RIN1: variants seen among roughly 807,000 people sequenced by gnomAD.
RIN1 encodes the protein ras inhibitor 1.
A neutral mutation model predicts 64.9 loss-of-function variants in RIN1; 52 were observed. The ratio of observed to expected loss-of-function variants is 0.80; its 90% CI spans 0.64 to 1.01. RIN1 has a LOEUF of 1.01. RIN1 is among the 50% of genes least tolerant of loss of function. The pLI is 0.00. For missense variants in RIN1, 1,040 were observed against 1,064.5 expected (o/e 0.98, Z 0.32); for synonymous variants, 486 against 483.6 (o/e 1.00, Z -0.06).
At position 66,334,954 on chromosome 11, in the gene RIN1, G is replaced by T. The variant is rs752344031; in HGVS notation, c.845C>A (p.Pro282His). 13 of 1,584,738 alleles carry T rather than the reference G, an allele frequency of 8.2e-6. No homozygotes were observed. The highest frequency in any genetic ancestry group is 1.1e-5 in the Non-Finnish European group (13 of 1,165,748). The part of the protein sequence containing the change: ...GAVPSQTERL[P>H]PCQLLRRESS... ...CTCCCTCCGTAGCAGCTGGCAAGGGGGCAGCCGCTCTGTCTGGCTGGGGAC... is the reference window on the plus strand; with the variant it reads ...CTCCCTCCGTAGCAGCTGGCAAGGGTGCAGCCGCTCTGTCTGGCTGGGGAC... The change falls in exon 6 of 10, where the codon CCC (proline) becomes CAC (histidine). Residue 282 changes from proline to histidine, a missense_variant. Physicochemically the swap from Pro to His is moderately conservative, Grantham distance 77. Coordinates refer to ENST00000311320, the MANE Select transcript of RIN1 (RefSeq NM_004292.3).
chr11:66,333,791 T>G, intron 7 of RIN1, 128 bp downstream of exon 7: 1 of 1,420,020 alleles, frequency 7.0e-7, no homozygotes, highest in East Asian at 2.5e-5. Flanking sequence ...AGTTTCGCCA[T>G]CTGCAAGAGG....
rs745380594 is a variant in RIN1 at position 66,332,542 on chromosome 11, T to G, written c.2086A>C (p.Thr696Pro). 6.2e-7 allele frequency: 1 copy of G among 1,613,268 alleles called. No individual in the cohort carries two copies. The highest frequency in any genetic ancestry group is 1.1e-5 in the South Asian group (1 of 91,048). ...GCCCGGCGGTAGACGAGGTAGCCAG[T>G]GGTGGGCAGCCTGTGGGCCAGGGCC... is the stretch of plus-strand genomic sequence containing the variant. ...PGALAHRLPTTGYLVYRRAEW... is the reference protein window; with the variant it reads ...PGALAHRLPTPGYLVYRRAEW... The change falls in exon 10 of 10, where the codon ACT (threonine) becomes CCT (proline). Residue 696 changes from threonine (T) to proline (P), a missense_variant. Thr to Pro is a conservative substitution (Grantham distance 38, BLOSUM62 -1). Coordinates refer to ENST00000311320, the MANE Select transcript of RIN1 (RefSeq NM_004292.3).
At position 66,332,355 on chromosome 11, in the gene RIN1, C is replaced by A. The variant is rs765691604; in HGVS notation, c.2273G>T (p.Gly758Val). ...IREQSETTAE[G>V]GQGQAQEGPA... ...GCCTTCCTGGGCTTGACCCTGGCCCCCTTCAGCAGTTGTCTCAGACTGTTC... is the reference window on the plus strand; with the variant it reads ...GCCTTCCTGGGCTTGACCCTGGCCCACTTCAGCAGTTGTCTCAGACTGTTC... The change falls in exon 10 of 10, where the codon GGG becomes GTG. Residue 758 changes from glycine (G) to valine (V), a missense_variant. By Grantham distance (109) the Gly-to-Val change is moderately radical (BLOSUM62 -3). Coordinates refer to ENST00000311320, the MANE Select transcript of RIN1 (RefSeq NM_004292.3). 28 of 1,614,178 alleles carry A rather than the reference C, an allele frequency of 1.7e-5. No individual in the cohort carries two copies. In the East Asian group the frequency reaches 2.2e-4, roughly 13 times the overall value.
chr11:66,335,930 C>G, intron 2 of RIN1, 48 bp downstream of exon 2: 1 of 1,495,064 alleles, frequency 6.7e-7, no homozygotes, highest in South Asian at 1.4e-5. Flanking sequence ...CATCCCTCTC[C>G]CTCCCACCCC....
At chr11:66,334,481 C>T (rs1053389251) in intron 6 of RIN1, 33 bp downstream of exon 6, 5 of 1,588,734 alleles carry the variant, frequency 3.1e-6, no homozygotes, top group Non-Finnish European at 4.3e-6. Flanking sequence ...TCGGATGGGG[C>T]AGTGCTGGAG....
At position 66,334,208 on chromosome 11, in the gene RIN1, C is replaced by T. The variant is rs1207520875; in HGVS notation, c.1302G>A (p.Lys434=). 4 of 1,436,718 alleles carry T rather than the reference C, an allele frequency of 2.8e-6. No individual in the cohort carries two copies. Among genetic ancestry groups the T allele is most frequent in the African/African-American group, 1.5e-5 (1 of 67,634 alleles). 89.0% of individuals were successfully genotyped at this position (1,436,718 alleles called of 1,614,324 possible). ...GCTTGAGCACAGAGCAATGCAATGA[C>T]TTCTCCAGGACATGTTCTGCCGGAG... ...SPKRLEHVLE[K]SLHCSVLKPL... The change falls in exon 7 of 10, where the codon AAG becomes AAA. Residue 434 remains lysine, a synonymous_variant. Transcript: ENST00000311320.
intron 9 of RIN1, 69 bp downstream of exon 9, chr11:66,333,189 C>T: frequency 6.4e-7 from 1 of 1,572,936 alleles, no homozygotes; most frequent in Non-Finnish European, 8.6e-7. Flanking sequence ...CTGGACTCTT[C>T]ACCAAGGACA....
At chr11:66,334,390 C>A (rs1318775259) in intron 6 of RIN1, 124 bp downstream of exon 6, 2 of 1,377,196 alleles carry the variant, frequency 1.5e-6, no homozygotes, top group East Asian at 2.5e-5. Context: ...GGAACTCTCT[C>A]GAACAGTGGT....
chr11:66,336,303 C>A lies in RIN1; in HGVS notation c.86+14G>T, dbSNP rs1344463163. On this transcript the variant is annotated intron_variant, in intron 1 of 9. Transcript: ENST00000311320. ...CTCCCTGCCCCACCTGGCTGCCCTGCCAACTTCACTAACTTTTCTCTCGCC... is the reference window on the plus strand; with the variant it reads ...CTCCCTGCCCCACCTGGCTGCCCTGACAACTTCACTAACTTTTCTCTCGCC... The A allele has an allele frequency of 2.5e-6, 4 of 1,606,674 alleles. No individual in the cohort carries two copies. Among genetic ancestry groups the A allele is most frequent in the Non-Finnish European group, 2.6e-6 (3 of 1,176,448 alleles).
chr11:66,333,039 A>T (rs1046390783), intron 9 of RIN1: 34 of 617,150 alleles, frequency 5.5e-5, no homozygotes, highest in Non-Finnish European at 9.6e-5. Flanking sequence ...TTTAATCTTC[A>T]CCTCAACCCC....
chr11:66,335,351 C>A, intron 5 of RIN1, 56 bp downstream of exon 5: 1 of 1,558,832 alleles, frequency 6.4e-7, no homozygotes, highest in Non-Finnish European at 8.7e-7. Context: ...GCGAGCCTTG[C>A]CTTCCCCTCG....
In RIN1 at chr11:66,335,136, G is replaced by A. The variant is rs762634805; in HGVS notation, c.663C>T (p.Ala221=). 1.3e-6 allele frequency: 2 copies of A among 1,542,700 alleles called. No individual in the cohort carries two copies. Among genetic ancestry groups the A allele is most frequent in the Non-Finnish European group, 1.7e-6 (2 of 1,149,002 alleles). The stretch of plus-strand genomic sequence containing the variant: ...GGAACAGGGGGTTGAAGAAGCACAA[G>A]GCGGCTCCGGTGCCCTGGTCCAGCT... ...PQELDQGTGA[A]LCFFNPLFPG... is the part of the protein sequence containing the mutation. The change falls in exon 6 of 10, where the codon GCC becomes GCT. Residue 221 remains alanine, a synonymous_variant. Transcript: ENST00000311320.
Position 66,334,894 on chromosome 11 carries a change from C to A in RIN1, c.905G>T (p.Gly302Val). The A allele has an allele frequency of 1.3e-6, 2 of 1,575,468 alleles. No homozygotes were observed. Among genetic ancestry groups the A allele is most frequent in the East Asian group, 4.6e-5 (2 of 43,320 alleles). Residue 302 changes from glycine to valine, a missense_variant, in exon 6 of 10, where the codon GGC (glycine) becomes GTC (valine). Coordinates refer to ENST00000311320, the MANE Select transcript of RIN1 (RefSeq NM_004292.3). The part of the protein sequence containing the change: ...SVGYRVPAGS[G>V]PSLPPMPSLQ... ...GGAGGGCATAGGCGGAAGGCTAGGG[C>A]CACTGCCTGCTGGCACGCGGTACCC...
rs1411769065 is a variant in RIN1, at chr11:66,336,430, A to G, written c.-28T>C. 6.2e-7 allele frequency: 1 copy of G among 1,600,058 alleles called. No homozygotes were observed. Among genetic ancestry groups the G allele is most frequent in the Non-Finnish European group, 8.5e-7 (1 of 1,171,804 alleles). Reference sequence around the variant, plus strand: ...CTGGGAGCTCCTTCGCTTCAGGAAGAGAATCCAGTCCCAAGGCAAGGCACG... The same window carrying G: ...CTGGGAGCTCCTTCGCTTCAGGAAGGGAATCCAGTCCCAAGGCAAGGCACG... On this transcript the variant is annotated 5_prime_UTR_variant, in exon 1 of 10. Transcript: ENST00000311320.
At chr11:66,336,555 C>G, upstream of RIN1, 1 of 658,768 alleles carries the variant, frequency 1.5e-6, no homozygotes, top group Non-Finnish European at 2.6e-6. Context: ...CCCGCCTCCT[C>G]TGTTCTGGAC....
chr11:66,334,898 T>A lies in RIN1; in HGVS notation c.901A>T (p.Ser301Cys), dbSNP rs199676860. ...GGCATAGGCGGAAGGCTAGGGCCACTGCCTGCTGGCACGCGGTACCCCACT... is the reference window on the plus strand; with the variant it reads ...GGCATAGGCGGAAGGCTAGGGCCACAGCCTGCTGGCACGCGGTACCCCACT... ...SSVGYRVPAG[S>C]GPSLPPMPSL... The change falls in exon 6 of 10, where the codon AGT becomes TGT. Residue 301 changes from serine to cysteine, a missense_variant. Coordinates refer to ENST00000311320, the MANE Select transcript of RIN1 (RefSeq NM_004292.3). 19 of 1,577,904 alleles carry A rather than the reference T, an allele frequency of 1.2e-5. No individual in the cohort carries two copies. The African/African-American group carries it at 2.6e-4, about 21-fold the overall frequency.
chr11:66,332,793 C>T (rs760578807), intron 9 of RIN1, 41 bp from the exon 10 acceptor site: 1 of 1,411,718 alleles, frequency 7.1e-7, no homozygotes, highest in South Asian at 1.4e-5. Flanking sequence ...TCAGCCCCGG[C>T]TGGCATGCAT....
rs1165523014 is a variant in RIN1, at chr11:66,335,050, GAC to G, written c.747_748del (p.Ser250HisfsTer54). 1 of 1,531,816 alleles carries G rather than the reference GAC, an allele frequency of 6.5e-7. No individual in the cohort carries two copies. The highest frequency in any genetic ancestry group is 8.8e-7 in the Non-Finnish European group (1 of 1,142,046). 94.9% of individuals were successfully genotyped at this position (1,531,816 alleles called of 1,614,324 possible). A position where few individuals can be genotyped will look rare whatever the true frequency, so the allele number is the denominator to read the frequency against. On this transcript the variant is annotated frameshift_variant, in exon 6 of 10. Transcript: ENST00000311320. LOFTEE classifies it high-confidence loss of function. Reference sequence around the variant, plus strand: ...AGACAGGGGGCTGGAGGTCTCTGTGGACACGCGCACTTTGAAGCTTCTCTTGA... The same window carrying G: ...AGACAGGGGGCTGGAGGTCTCTGTGGACGCGCACTTTGAAGCTTCTCTTGA...
At position 66,335,510 on chromosome 11, in the gene RIN1, G is replaced by C; in HGVS notation, c.456-12C>G. 1 of 1,613,698 alleles carries C rather than the reference G, an allele frequency of 6.2e-7. No homozygotes were observed. Among genetic ancestry groups the C allele is most frequent in the Non-Finnish European group, 8.5e-7 (1 of 1,179,728 alleles). On this transcript the variant is annotated splice_polypyrimidine_tract_variant and intron_variant, in intron 4 of 9. Coordinates refer to ENST00000311320, the MANE Select transcript of RIN1 (RefSeq NM_004292.3). ...GGAGAAGGATGTCCCTGAGGCCAGAGAGGGGAGCAGAAGGGAGTGAGGGCC... is the reference window on the plus strand; with the variant it reads ...GGAGAAGGATGTCCCTGAGGCCAGACAGGGGAGCAGAAGGGAGTGAGGGCC...
Sources: allele counts gnomAD v4.1 joint callset, GRCh38; gene constraint gnomAD v4.1.1; transcripts MANE v1.5; gene names NCBI Gene and HGNC (gene_info 2026-07-23, HGNC 2026-07-21).